TTC7B: variants seen among roughly 807,000 people sequenced by gnomAD.
TTC7B encodes tetratricopeptide repeat protein 7B.
Under a neutral mutation model 106.8 loss-of-function variants are expected in TTC7B, and 28 were observed. The ratio of observed to expected loss-of-function variants is 0.26; its 90% CI spans 0.19 to 0.36. TTC7B has a LOEUF of 0.36. Ranked by LOEUF, TTC7B falls within the 10% of genes least tolerant of loss-of-function variation. The probability of loss-of-function intolerance (pLI) is 1.00; values close to 1 mark genes in which losing one functional copy is unlikely to be tolerated. For synonymous variants in TTC7B, 405 were observed against 430.6 expected, an observed-to-expected ratio of 0.94 and a Z score of 0.74; for missense variants, 862 against 1,076.4, an observed-to-expected ratio of 0.80 and a Z score of 2.79.
At chr14:90,786,022 T>C (rs1891374479) in intron 2 of TTC7B, 152 bp downstream of exon 2, 6 of 900,170 alleles carry the variant, frequency 6.7e-6, no homozygotes, top group Non-Finnish European at 9.2e-6. Context: ...GATTGGCACA[T>C]CCACCCAACT....
intron 3 of TTC7B, among the ~76,000 whole-genome samples, chr14:90,754,003 C>T (rs1260481870): frequency 6.6e-6 from 1 of 152,172 alleles, no homozygotes; most frequent in African/African-American, 2.4e-5. Context: ...TTTAGTAACC[C>T]TATAATAGTA....
chr14:90,651,750 C>T (rs552479455), intron 13 of TTC7B, among the ~76,000 whole-genome samples: 60 of 152,164 alleles, frequency 3.9e-4, no homozygotes, highest in South Asian at 6.2e-4. Flanking sequence ...AAGTAGCTAC[C>T]GGCAAGCCTG....
chr14:90,589,922 C>G (rs988134355), intron 18 of TTC7B, among the ~76,000 whole-genome samples: 1 of 152,092 alleles, frequency 6.6e-6, no homozygotes, highest in Non-Finnish European at 1.5e-5. Context: ...TCTAACCATA[C>G]AGTAGACATA....
intron 3 of TTC7B, among the ~76,000 whole-genome samples, chr14:90,755,122 T>G (rs1485084582): frequency 6.6e-6 from 1 of 152,174 alleles, no homozygotes; most frequent in East Asian, 1.9e-4. Flanking sequence ...TGATGAACAA[T>G]GGGGCTGTCT....
At chr14:90,788,689 G>A (rs914811075) in intron 1 of TTC7B, among the ~76,000 whole-genome samples, 3 of 152,112 alleles carry the variant, frequency 2.0e-5, no homozygotes, top group African/African-American at 7.2e-5. Context: ...TTTAGGCAGG[G>A]CGCAGTGGCT....
At position 90,802,551 on chromosome 14, in the gene TTC7B, C is replaced by T. The variant is rs1331496191; in HGVS notation, c.121+13624G>A. On this transcript the variant is annotated intron_variant, in intron 1 of 19. Transcript: ENST00000328459. This position sits in a 1 kb window ranked among gnomAD's most constrained non-coding sequence, Gnocchi z 4.7. The stretch of plus-strand genomic sequence containing the variant: ...AGTTTCCTAATTGCTTTTATTTCCT[C>T]AGTAAAGTATGAGGCAAGGTCATGA... Among the ~76,000 whole-genome samples the T allele has an allele frequency of 6.6e-6, 1 of 152,282 alleles. No individual in the cohort carries two copies. Among genetic ancestry groups the T allele is most frequent in the South Asian group, 2.1e-4 (1 of 4,820 alleles).
chr14:90,760,593 C>T (rs946232975), intron 3 of TTC7B, among the ~76,000 whole-genome samples: 2 of 152,254 alleles, frequency 1.3e-5, no homozygotes, highest in East Asian at 3.8e-4. Flanking sequence ...TCCAAATGCT[C>T]ATGTATTTCA....
chr14:90,547,919 G>T (rs1889905976), intron 19 of TTC7B, among the ~76,000 whole-genome samples: 1 of 152,190 alleles, frequency 6.6e-6, no homozygotes, highest in African/African-American at 2.4e-5. Context: ...GATACAGGGA[G>T]ATAACGTCCC....
chr14:90,747,770 G>A (rs1322553075), intron 3 of TTC7B, among the ~76,000 whole-genome samples: 2 of 152,154 alleles, frequency 1.3e-5, no homozygotes, highest in Non-Finnish European at 2.9e-5. Flanking sequence ...TCTCCTTGAA[G>A]TGCTATCAGT....
At chr14:90,781,316 T>C (rs1891213013) in intron 2 of TTC7B, among the ~76,000 whole-genome samples, 1 of 152,186 alleles carries the variant, frequency 6.6e-6, no homozygotes, top group South Asian at 2.1e-4. Context: ...CTGCTGGTGA[T>C]AATGGGGTTT....
intron 9 of TTC7B, among the ~76,000 whole-genome samples, chr14:90,672,300 T>C (rs1197190178): frequency 6.6e-6 from 1 of 152,162 alleles, no homozygotes; most frequent in East Asian, 1.9e-4. Context: ...TCTAGCAAGG[T>C]TTCTGAGGCA....
At chr14:90,562,987 G>A (rs1237941413) in intron 19 of TTC7B, among the ~76,000 whole-genome samples, 1 of 152,082 alleles carries the variant, frequency 6.6e-6, no homozygotes, top group Non-Finnish European at 1.5e-5. Flanking sequence ...CTGCACATCT[G>A]TCTATCAGAG....
intron 6 of TTC7B, among the ~76,000 whole-genome samples, chr14:90,693,716 T>C (rs146112282): frequency 5.8e-4 from 88 of 152,310 alleles, no homozygotes; most frequent in African/African-American, 1.8e-3. Flanking sequence ...TAACAACTGT[T>C]GTTGAGGGTG....
intron 18 of TTC7B, among the ~76,000 whole-genome samples, chr14:90,590,832 CTTCA>C (rs1366209116): frequency 6.6e-6 from 1 of 152,222 alleles, no homozygotes; most frequent in Non-Finnish European, 1.5e-5. Context: ...TCCTAATTGA[CTTCA>C]TTCATTCGTC....
chr14:90,686,993 A>AC (rs1887273795), intron 7 of TTC7B, among the ~76,000 whole-genome samples: 2 of 140,786 alleles, frequency 1.4e-5, no homozygotes, highest in African/African-American at 5.2e-5. Context: ...CCAGCTGCCT[A>AC]TTTTTTTTTT....
At chr14:90,811,092 C>T (rs1049437558) in intron 1 of TTC7B, among the ~76,000 whole-genome samples, 33 of 152,212 alleles carry the variant, frequency 2.2e-4, no homozygotes, top group African/African-American at 7.7e-4. Context: ...TCCTTCTGCC[C>T]TGACTACCAT....
intron 18 of TTC7B, among the ~76,000 whole-genome samples, chr14:90,583,471 T>G (rs1891586148): frequency 6.6e-6 from 1 of 152,112 alleles, no homozygotes; most frequent in Non-Finnish European, 1.5e-5. Flanking sequence ...AAGGAGTGAA[T>G]TCAATTTAAA....
intron 2 of TTC7B, among the ~76,000 whole-genome samples, chr14:90,785,207 T>C (rs184243950): frequency 1.3e-5 from 2 of 151,870 alleles, no homozygotes; most frequent in African/African-American, 2.4e-5. Context: ...AGTACAGATA[T>C]GAAATGTAAA....
intron 4 of TTC7B, among the ~76,000 whole-genome samples, chr14:90,734,376 C>T (rs1889437988): frequency 2.7e-5 from 4 of 150,252 alleles, no homozygotes; most frequent in African/African-American, 7.3e-5. Flanking sequence ...GCCAAGATTG[C>T]GCCACTGCAC....
Sources: allele counts gnomAD v4.1 joint callset (sites outside exome capture counted in the v4.1 genomes callset), GRCh38; gene constraint gnomAD v4.1.1; non-coding constraint Gnocchi (gnomAD v3.1); transcripts MANE v1.5; gene names NCBI Gene and HGNC (gene_info 2026-07-23, HGNC 2026-07-21).